Variants in SGCD observed in about 807,000 individuals in gnomAD.
SGCD encodes the protein sarcoglycan delta, also known as delta-sarcoglycan.
SGCD carries 18 observed loss-of-function variants against 36.6 expected under a neutral mutation model. The ratio of observed to expected loss-of-function variants is 0.49; its 90% CI spans 0.34 to 0.73. SGCD has a LOEUF of 0.73. SGCD is among the 30% of genes least tolerant of loss of function. The probability of loss-of-function intolerance (pLI) is 0.01; values close to 1 mark genes in which losing one functional copy is unlikely to be tolerated. For missense variants in SGCD, 387 were observed against 346.7 expected, an observed-to-expected ratio of 1.12 and a Z score of -0.92; for synonymous variants, 133 against 130.6, an observed-to-expected ratio of 1.02 and a Z score of -0.12.
rs141226139 is a variant in SGCD at position 156,398,987 on chromosome 5, C to T, written c.192+54310C>T. Among the ~76,000 whole-genome samples the T allele has an allele frequency of 2.1e-3, 322 of 152,222 alleles. 2 individuals are homozygous for T. Among genetic ancestry groups the T allele is most frequent in the African/African-American group, 6.9e-3 (288 of 41,536 alleles). On this transcript the variant is annotated intron_variant, in intron 3 of 8. Transcript: ENST00000337851. ...ACTAAGTGGCTACCATATTAGATAG[C>T]GCAGATGTAGAACATTTCCATTATT...
chr5:156,625,663 G>A (rs933806707), intron 6 of SGCD, among the ~76,000 whole-genome samples: 5 of 152,182 alleles, frequency 3.3e-5, no homozygotes, highest in African/African-American at 1.2e-4. Context: ...ATTGTCCCAG[G>A]TGAGGCTCCC....
chr5:155,979,154 G>A (rs1008475068), intron 1 of SGCD, among the ~76,000 whole-genome samples: 5 of 152,148 alleles, frequency 3.3e-5, no homozygotes, highest in South Asian at 4.1e-4. Flanking sequence ...GAACAGATTG[G>A]CACAACAACA....
At chr5:155,923,237 T>A (rs1410148602) in intron 1 of SGCD, among the ~76,000 whole-genome samples, 1 of 149,928 alleles carries the variant, frequency 6.7e-6, no homozygotes, top group South Asian at 2.1e-4. Context: ...AATACATGAA[T>A]AAACTAATAC....
chr5:156,058,583 G>T (rs959282559), intron 1 of SGCD, among the ~76,000 whole-genome samples: 2 of 145,470 alleles, frequency 1.4e-5, no homozygotes, highest in African/African-American at 4.9e-5. Flanking sequence ...ATAGCAATGC[G>T]TGGGCCTAAA....
intron 3 of SGCD, chr5:156,393,707 A>T (rs1440436896): frequency 2.2e-6 from 1 of 456,128 alleles, no homozygotes; most frequent in Non-Finnish European, 4.4e-6. Flanking sequence ...CCATTGGTAC[A>T]TAGTTACTAA....
chr5:156,267,498 C>T (rs1261219998), intron 3 of SGCD, among the ~76,000 whole-genome samples: 1 of 152,152 alleles, frequency 6.6e-6, no homozygotes, highest in African/African-American at 2.4e-5. Context: ...CTGCCGGATC[C>T]AAGGCTTTCT....
At chr5:156,467,043 C>G (rs1754750756) in intron 3 of SGCD, among the ~76,000 whole-genome samples, 1 of 151,920 alleles carries the variant, frequency 6.6e-6, no homozygotes, top group Admixed American at 6.6e-5. Context: ...GCTTTGCAGG[C>G]CAGATGGTCT....
At chr5:155,977,341 A>G (rs1007274183) in intron 1 of SGCD, among the ~76,000 whole-genome samples, 1 of 152,222 alleles carries the variant, frequency 6.6e-6, no homozygotes, top group African/African-American at 2.4e-5. Flanking sequence ...GGAGTGAATG[A>G]GTTGCTCTTC....
chr5:156,712,653 G>C (rs1041223205), intron 7 of SGCD, among the ~76,000 whole-genome samples: 4 of 152,170 alleles, frequency 2.6e-5, no homozygotes, highest in African/African-American at 9.6e-5. Context: ...GTCTGGGCTT[G>C]ACTCCATCTC....
chr5:156,236,496 C>A (rs955925556), intron 3 of SGCD, among the ~76,000 whole-genome samples: 1 of 150,284 alleles, frequency 6.7e-6, no homozygotes, highest in Non-Finnish European at 1.5e-5. Context: ...GTCACCCAGG[C>A]TGGAGTGCAG....
Position 156,629,469 on chromosome 5 carries a change from C to A in SGCD, c.503-17995C>A, listed in dbSNP as rs146590309. 2.7e-3 allele frequency among the ~76,000 whole-genome samples: 408 copies of A among 152,300 alleles called. 2 individuals are homozygous for A. Among genetic ancestry groups the A allele is most frequent in the Non-Finnish European group, 4.2e-3 (287 of 68,024 alleles). On this transcript the variant is annotated intron_variant, in intron 6 of 8. Transcript: ENST00000337851. ...TCAGTAATGTCAAAACCATGAAGTA[C>A]TTTTCTGCAATTAGAACATGTCATC... is the stretch of plus-strand genomic sequence containing the variant.
the SGCD span, among the ~76,000 whole-genome samples, chr5:155,830,059 G>A: frequency 6.6e-6 from 1 of 152,134 alleles, no homozygotes; most frequent in Non-Finnish European, 1.5e-5. Flanking sequence ...TCAGTAACTT[G>A]CCCCAAGTCA....
the SGCD span, among the ~76,000 whole-genome samples, chr5:155,808,173 A>G: frequency 6.6e-6 from 1 of 152,096 alleles, no homozygotes; most frequent in Non-Finnish European, 1.5e-5. Flanking sequence ...CATTGTTTCC[A>G]CTTGGAGTGA....
At chr5:156,515,660 C>A (rs1430473636) in intron 4 of SGCD, among the ~76,000 whole-genome samples, 1 of 152,240 alleles carries the variant, frequency 6.6e-6, no homozygotes, top group African/African-American at 2.4e-5. Flanking sequence ...TCAGAAGATA[C>A]CCTTGTGAGC....
intron 1 of SGCD, among the ~76,000 whole-genome samples, chr5:155,958,457 T>G (rs920711887): frequency 6.6e-6 from 1 of 152,124 alleles, no homozygotes; most frequent in Non-Finnish European, 1.5e-5. Context: ...GAGATTATAC[T>G]CTTTATCACC....
chr5:156,184,391 T>C (rs1763684502), intron 3 of SGCD, among the ~76,000 whole-genome samples: 1 of 142,666 alleles, frequency 7.0e-6, no homozygotes, highest in South Asian at 2.3e-4. Flanking sequence ...TTTTTCATTG[T>C]AAGCCTTTTT....
At chr5:156,444,904 G>C (rs190840188) in intron 3 of SGCD, among the ~76,000 whole-genome samples, 3 of 152,254 alleles carry the variant, frequency 2.0e-5, no homozygotes, top group African/African-American at 7.2e-5. Flanking sequence ...GATAGATGGG[G>C]CTAAGTAGTT....
At chr5:155,735,981 C>T in the SGCD span, among the ~76,000 whole-genome samples, 1 of 152,276 alleles carries the variant, frequency 6.6e-6, no homozygotes. Flanking sequence ...TCAGATGATG[C>T]TCCTCTTTCT....
At chr5:156,420,940 C>T (rs1442368094) in intron 3 of SGCD, among the ~76,000 whole-genome samples, 1 of 152,052 alleles carries the variant, frequency 6.6e-6, no homozygotes, top group Non-Finnish European at 1.5e-5. Flanking sequence ...AGTTTATAGA[C>T]TGGGGCTTTC....
Sources: gnomAD v4.1 joint callset for allele counts (sites outside exome capture counted in the v4.1 genomes callset) on GRCh38, gnomAD v4.1.1 for gene constraint, MANE v1.5 for transcripts, NCBI Gene and HGNC (gene_info 2026-07-23, HGNC 2026-07-21) for gene names.